HMCN2: variants seen among roughly 807,000 people sequenced by gnomAD.
HMCN2 encodes the protein hemicentin-2.
HMCN2 carries 325 observed loss-of-function variants against 377.5 expected under a neutral mutation model. The observed-to-expected ratio is 0.86, with a 90% CI of 0.79 to 0.94. The LOEUF (loss-of-function observed/expected upper bound fraction) is 0.94. HMCN2 is among the 40% of genes least tolerant of loss of function. HMCN2 has a pLI of 0.00. For missense variants in HMCN2, 4,543 were observed against 4,725.3 expected, an observed-to-expected ratio of 0.96 and a Z score of 1.13; for synonymous variants, 2,007 against 2,046.8, an observed-to-expected ratio of 0.98 and a Z score of 0.53.
chr9:130,363,099 G>A, intron 40 of HMCN2, 109 bp downstream of exon 40: 2 of 878,966 alleles, frequency 2.3e-6, no homozygotes, highest in African/African-American at 1.8e-5. Flanking sequence ...ATGGAGGAGT[G>A]TCCACCTGAG....
chr9:130,302,785 C>T (rs1207665991), intron 8 of HMCN2, 72 bp from the exon 9 acceptor site: 1 of 372,256 alleles, frequency 2.7e-6, no homozygotes, highest in South Asian at 2.0e-5. Flanking sequence ...TGCATCCCTA[C>T]AGGTCTCTGT....
Position 130,365,957 on chromosome 9 carries a change from G to A in HMCN2, c.6587G>A (p.Arg2196Gln), listed in dbSNP as rs867374773. 3.2e-5 allele frequency: 32 copies of A among 985,800 alleles called. No individual in the cohort carries two copies. The Middle Eastern group carries it at 2.1e-3, about 64-fold the overall frequency. 61.1% of individuals were successfully genotyped at this position (985,800 alleles called of 1,614,324 possible). A position where few individuals can be genotyped will look rare whatever the true frequency, so the allele number is the denominator to read the frequency against. Residue 2196 changes from arginine to glutamine, a missense_variant, in exon 43 of 98, where the codon CGG (arginine) becomes CAG (glutamine). By Grantham distance (43) the Arg-to-Gln change is conservative (BLOSUM62 1). This residue lies in a region of HMCN2 where 1,032 missense variants were observed against 1,285.1 expected (regional missense o/e 0.80). Coordinates refer to ENST00000683500, the MANE Select transcript of HMCN2 (RefSeq NM_001291815.2). Reference sequence around the variant, plus strand: ...CCTACCAGGCTGTCCTGCGAATGCCGGGGTGTCCCCTTCCCCAAGATCTCC... The same window carrying A: ...CCTACCAGGCTGTCCTGCGAATGCCAGGGTGTCCCCTTCCCCAAGATCTCC... ...GHPTRLSCECRGVPFPKISWR... is the reference protein window; with the variant it reads ...GHPTRLSCECQGVPFPKISWR...
Position 130,354,971 on chromosome 9 carries a change from C to T in HMCN2, c.5073C>T (p.Ser1691=), listed in dbSNP as rs1220533020. Residue 1691 remains serine, a synonymous_variant, in exon 32 of 98, where the codon TCC becomes TCT. Coordinates refer to ENST00000683500, the MANE Select transcript of HMCN2 (RefSeq NM_001291815.2). ...GGCTGGAGAGCCCGGGGGAGGCATCCAGTGGCCTGTACAGCTGTGTGGCCA... is the reference window on the plus strand; with the variant it reads ...GGCTGGAGAGCCCGGGGGAGGCATCTAGTGGCCTGTACAGCTGTGTGGCCA... ...VLRLESPGEA[S]SGLYSCVASS... is the part of the protein sequence containing the mutation. The T allele has an allele frequency of 7.7e-7, 1 of 1,300,876 alleles. No homozygotes were observed. 80.6% of individuals were successfully genotyped at this position (1,300,876 alleles called of 1,614,324 possible). A position where few individuals can be genotyped will look rare whatever the true frequency, so the allele number is the denominator to read the frequency against.
At chr9:130,375,169 G>A (rs191961878) in intron 49 of HMCN2, among the ~76,000 whole-genome samples, 1 of 152,346 alleles carries the variant, frequency 6.6e-6, no homozygotes, top group Admixed American at 6.5e-5. Flanking sequence ...GGAGTTGAAA[G>A]AAGAAATCTT....
intron 1 of HMCN2, among the ~76,000 whole-genome samples, chr9:130,266,421 C>G (rs1662420331): frequency 6.6e-6 from 1 of 152,246 alleles, no homozygotes. Context: ...CTCACCTTCC[C>G]GCGCCTTACC....
intron 23 of HMCN2, among the ~76,000 whole-genome samples, chr9:130,340,153 G>A (rs1838969529): frequency 6.6e-6 from 1 of 152,264 alleles, no homozygotes; most frequent in African/African-American, 2.4e-5. Context: ...CGAGTGAGAT[G>A]GAGGATGAGA....
rs1844503514 is a variant in HMCN2, at chr9:130,428,164, C to G, written c.14066-194C>G. ...AGCTGCAGGCCCAAGGACTCGGGTC[C>G]CTTGGAGTGGGCCCTATGTTTTGGG... On this transcript the variant is annotated intron_variant, in intron 92 of 97. Transcript: ENST00000683500. This position sits in a 1 kb window ranked among gnomAD's most constrained non-coding sequence, Gnocchi z 5.0. 2.6e-5 allele frequency among the ~76,000 whole-genome samples: 4 copies of G among 152,180 alleles called. No individual in the cohort carries two copies. The highest frequency in any genetic ancestry group is 2.0e-4 in the Admixed American group (3 of 15,288).
At chr9:130,300,662 C>T (rs1836455689) in intron 8 of HMCN2, among the ~76,000 whole-genome samples, 1 of 152,266 alleles carries the variant, frequency 6.6e-6, no homozygotes, top group African/African-American at 2.4e-5. Context: ...GGCAAGGGCC[C>T]TCCAGTGTGG....
chr9:130,305,090 A>G, intron 11 of HMCN2, 88 bp downstream of exon 11: 1 of 408,780 alleles, frequency 2.4e-6, no homozygotes, highest in African/African-American at 2.0e-5. Context: ...CCCTCTGCTC[A>G]GACATTGTCT....
Position 130,408,912 on chromosome 9 carries a change from G to T in HMCN2, c.12858G>T (p.Ser4286=), listed in dbSNP as rs369855798. ...SHLRHQLQNG[S]LTIRRTERDD... is the part of the protein sequence containing the mutation. ...TCCGGCACCAGCTGCAGAATGGCTC[G>T]CTGACCATCCGCAGGACTGAGGCAA... The change falls in exon 84 of 98, where the codon TCG becomes TCT. Residue 4286 remains serine, a synonymous_variant. Transcript: ENST00000683500. 2 of 1,289,524 alleles carry T rather than the reference G, an allele frequency of 1.6e-6. No homozygotes were observed. The highest frequency in any genetic ancestry group is 2.5e-5 in the South Asian group (2 of 80,984). The allele number at this position is 1,289,524 out of a possible 1,614,324, so 79.9% of individuals were successfully genotyped here.
At chr9:130,296,224 G>A (rs1268045701) in intron 6 of HMCN2, among the ~76,000 whole-genome samples, 1 of 152,202 alleles carries the variant, frequency 6.6e-6, no homozygotes, top group Non-Finnish European at 1.5e-5. Context: ...TGCCCTGGAA[G>A]AGTGGGGGCT....
chr9:130,273,601 G>A (rs1426915118), intron 1 of HMCN2, among the ~76,000 whole-genome samples: 11 of 151,924 alleles, frequency 7.2e-5, no homozygotes, highest in East Asian at 1.9e-4. Context: ...AGGCTCAAGC[G>A]ATTCTCTCAC....
intron 40 of HMCN2, among the ~76,000 whole-genome samples, chr9:130,363,880 AG>A (rs1198296308): frequency 6.8e-6 from 1 of 146,656 alleles, no homozygotes; most frequent in East Asian, 2.0e-4. Context: ...AAGGAAGGAA[AG>A]AAGGAAGGAA....
chr9:130,379,348 T>C lies in HMCN2; in HGVS notation c.8312T>C (p.Ile2771Thr). The C allele has an allele frequency of 1.0e-6, 1 of 985,184 alleles. No individual in the cohort carries two copies. 61.0% of individuals were successfully genotyped at this position (985,184 alleles called of 1,614,324 possible). ...ARGGVTEYRE[I>T]VENNPAYLYC... The stretch of plus-strand genomic sequence containing the variant: ...GGCGGAGTCACGGAATACAGGGAGA[T>C]CGTGGAGAACAACCCAGCCTACCTG... The change falls in exon 54 of 98, where the codon ATC becomes ACC. Residue 2771 changes from isoleucine to threonine, a missense_variant. By Grantham distance (89) the Ile-to-Thr change is moderately conservative (BLOSUM62 -1). Around this residue, in one of 5 missense-constraint regions of HMCN2, gnomAD observed 736 missense variants for 773.2 expected, o/e 0.95. Coordinates refer to ENST00000683500, the MANE Select transcript of HMCN2 (RefSeq NM_001291815.2).
chr9:130,350,386 T>A (rs71481364), intron 29 of HMCN2, among the ~76,000 whole-genome samples: 52,389 of 85,078 alleles, frequency 0.62, 16,478 homozygotes, highest in Non-Finnish European at 0.72. Flanking sequence ...TACAAAAAAA[T>A]ACAAAAAAAA....
intron 26 of HMCN2, chr9:130,348,044 G>A (rs1357759249): frequency 6.1e-6 from 6 of 985,226 alleles, no homozygotes; most frequent in Non-Finnish European, 7.2e-6. Flanking sequence ...GGGCAGTGTG[G>A]GTGGGCTGGG....
At position 130,398,569 on chromosome 9, in the gene HMCN2, C is replaced by G; in HGVS notation, c.11345C>G (p.Pro3782Arg). 7.9e-7 allele frequency: 1 copy of G among 1,261,916 alleles called. No homozygotes were observed. The allele number at this position is 1,261,916 out of a possible 1,614,324, so 78.2% of individuals were successfully genotyped here. A position where few individuals can be genotyped will look rare whatever the true frequency, so the allele number is the denominator to read the frequency against. ...TCCCCAGAGCCTCCAGCCATCGCCC[C>G]CAGCCCCTCCAACCTGACCCTGACC... ...LRVLEPPAIA[P>R]SPSNLTLTAH... Residue 3782 changes from proline to arginine, a missense_variant, in exon 75 of 98, where the codon CCC becomes CGC. Pro to Arg is a moderately radical substitution (Grantham distance 103). Transcript: ENST00000683500.
intron 66 of HMCN2, among the ~76,000 whole-genome samples, chr9:130,392,869 G>A (rs1240406060): frequency 4.0e-5 from 6 of 151,880 alleles, no homozygotes; most frequent in East Asian, 1.9e-4. Context: ...GGTGGCGGGC[G>A]CCTGTAGTCC....
At chr9:130,333,945 G>T (rs1198037386) in intron 22 of HMCN2, among the ~76,000 whole-genome samples, 1 of 152,188 alleles carries the variant, frequency 6.6e-6, no homozygotes, top group African/African-American at 2.4e-5. Context: ...CCACAGGCAG[G>T]CAGGTGACAG....
Sources: gnomAD v4.1 joint callset for allele counts (sites outside exome capture counted in the v4.1 genomes callset) on GRCh38, gnomAD v4.1.1 for gene constraint, gnomAD v4.1.1 regional missense constraint, Gnocchi (gnomAD v3.1) non-coding constraint, MANE v1.5 for transcripts, NCBI Gene and HGNC (gene_info 2026-07-23, HGNC 2026-07-21) for gene names.